The following MAP3K15 variants were observed in gnomAD, a reference collection of about 807,000 sequenced individuals.
The protein encoded by MAP3K15 is MAPK/ERK kinase kinase 15.
MAP3K15 carries 124 observed loss-of-function variants against 99.5 expected under a neutral mutation model. The observed-to-expected ratio is 1.25, with a 90% CI of 1.08 to 1.45. The LOEUF (loss-of-function observed/expected upper bound fraction) is 1.45, where lower values mean the gene tolerates loss of function less well. MAP3K15 is among the 40% of genes most tolerant of loss of function. The probability of loss-of-function intolerance (pLI) is 0.00; values close to 1 mark genes in which losing one functional copy is unlikely to be tolerated. For missense variants in MAP3K15, 1,242 were observed against 1,079.7 expected, an observed-to-expected ratio of 1.15 and a Z score of -2.11; for synonymous variants, 494 against 439.6, an observed-to-expected ratio of 1.12 and a Z score of -1.55.
intron 25 of MAP3K15, among the ~76,000 whole-genome samples, chrX:19,368,767 A>G (rs1371236506): frequency 9.1e-6 from 1 of 109,798 alleles, no homozygotes; most frequent in African/African-American, 3.3e-5. Context: ...GAATTCACAG[A>G]TGCTGCTGCC....
intron 1 of MAP3K15, among the ~76,000 whole-genome samples, chrX:19,489,412 G>A (rs756016264): frequency 9.9e-5 from 11 of 110,834 alleles, no homozygotes; most frequent in African/African-American, 3.0e-4. Flanking sequence ...ATTTCTGTCC[G>A]GATCTATGTA....
At chrX:19,459,316 T>C (rs928995026) in intron 5 of MAP3K15, among the ~76,000 whole-genome samples, 17 of 111,823 alleles carry the variant, frequency 1.5e-4, no homozygotes, top group Non-Finnish European at 7.5e-5. Context: ...ATATCCCACA[T>C]AGGGTTGTTA....
At chrX:19,486,150 C>T (rs887445429) in intron 3 of MAP3K15, among the ~76,000 whole-genome samples, 1 of 110,999 alleles carries the variant, frequency 9.0e-6, no homozygotes, top group African/African-American at 3.3e-5. Context: ...TTGACTCCAG[C>T]AAAACGATTA....
At chrX:19,373,801 G>A (rs1018280798) in intron 20 of MAP3K15, 106 bp from the exon 21 acceptor site, 16 of 881,700 alleles carry the variant, frequency 1.8e-5, no homozygotes, top group Non-Finnish European at 2.5e-5. Flanking sequence ...CAGGCACCCA[G>A]GATCCTGTAG....
intron 18 of MAP3K15, among the ~76,000 whole-genome samples, chrX:19,381,014 A>T (rs763851854): frequency 4.0e-4 from 45 of 112,250 alleles, no homozygotes; most frequent in Non-Finnish European, 9.4e-5. Flanking sequence ...AGTGGAGGAG[A>T]CAAAGACAGA....
At position 19,380,281 on chromosome X, in the gene MAP3K15, T is replaced by A; in HGVS notation, c.2432-4A>T. The A allele has an allele frequency of 8.3e-7, 1 of 1,208,469 alleles. No homozygotes were observed. Among genetic ancestry groups the A allele is most frequent in the Non-Finnish European group, 1.1e-6 (1 of 894,389 alleles). On this transcript the variant is annotated splice_polypyrimidine_tract_variant and splice_region_variant and intron_variant, in intron 18 of 28. Transcript: ENST00000338883. ...GGTGCCATGTACTGCAGGGTGCCTA[T>A]TTGGAAAACAAACAAACAGGCTGTG... is the stretch of plus-strand genomic sequence containing the variant.
intron 18 of MAP3K15, among the ~76,000 whole-genome samples, chrX:19,387,283 C>A (rs1602262121): frequency 8.9e-6 from 1 of 112,109 alleles, no homozygotes; most frequent in Non-Finnish European, 1.9e-5. Flanking sequence ...GATACTGCCA[C>A]ACCCTCTCAA....
chrX:19,478,964 T>C (rs2064271196), intron 3 of MAP3K15, among the ~76,000 whole-genome samples: 1 of 111,272 alleles, frequency 9.0e-6, no homozygotes, highest in Admixed American at 9.5e-5. Flanking sequence ...CTTGTCTCCA[T>C]GGTGCCTCTC....
At chrX:19,429,143 G>T (rs984668062) in intron 7 of MAP3K15, among the ~76,000 whole-genome samples, 6 of 110,992 alleles carry the variant, frequency 5.4e-5, no homozygotes, top group African/African-American at 2.0e-4. Flanking sequence ...TGGAGAAAGT[G>T]TTCAGGACAC....
intron 18 of MAP3K15, among the ~76,000 whole-genome samples, chrX:19,384,749 G>GA (rs34619145): frequency 0.08 from 1,796 of 22,345 alleles, 92 homozygotes; most frequent in Non-Finnish European, 0.1. Context: ...TGTCTCAGGG[G>GA]AAAAAAAAAA....
intron 7 of MAP3K15, among the ~76,000 whole-genome samples, chrX:19,426,779 C>G (rs1007285307): frequency 2.7e-4 from 24 of 90,489 alleles, no homozygotes; most frequent in African/African-American, 1.0e-3. Flanking sequence ...GATCGTGCCA[C>G]TGCACTCCAG....
chrX:19,383,874 T>C (rs1427811351), intron 18 of MAP3K15, among the ~76,000 whole-genome samples: 1 of 111,768 alleles, frequency 8.9e-6, no homozygotes, highest in East Asian at 2.8e-4. Context: ...GGAACCCTCA[T>C]ACACTGTTGG....
At chrX:19,414,533 T>C (rs2063717201) in intron 10 of MAP3K15, among the ~76,000 whole-genome samples, 1 of 112,377 alleles carries the variant, frequency 8.9e-6, no homozygotes, top group South Asian at 3.6e-4. Flanking sequence ...TCTAAGACGG[T>C]CATAACATTA....
intron 6 of MAP3K15, among the ~76,000 whole-genome samples, chrX:19,453,155 C>T (rs183845355): frequency 9.0e-6 from 1 of 111,415 alleles, no homozygotes; most frequent in African/African-American, 3.3e-5. Context: ...GAACTATATG[C>T]TTAAAAGTGG....
chrX:19,459,466 C>T (rs765064932), intron 5 of MAP3K15, among the ~76,000 whole-genome samples: 2 of 112,381 alleles, frequency 1.8e-5, no homozygotes, highest in East Asian at 5.6e-4. Flanking sequence ...GTCACACCAG[C>T]CCCGATGTGA....
rs777426342 is a variant in MAP3K15, at chrX:19,475,994, A to G, written c.525+10488T>C. ...CCTCATTACACCAGCACTTATTTTT[A>G]TTTATGGCTCACAGCAGGTGGCAAA... On this transcript the variant is annotated intron_variant, in intron 3 of 28. Coordinates refer to ENST00000338883, the MANE Select transcript of MAP3K15 (RefSeq NM_001001671.4). Among the ~76,000 whole-genome samples, 17 of 112,130 alleles carry G rather than the reference A, an allele frequency of 1.5e-4. No individual in the cohort carries two copies. In the South Asian group the frequency reaches 5.2e-3, roughly 34 times the overall value.
intron 18 of MAP3K15, among the ~76,000 whole-genome samples, chrX:19,384,754 A>G (rs1353173760): frequency 1.2e-5 from 1 of 80,131 alleles, no homozygotes; most frequent in African/African-American, 8.0e-5. Flanking sequence ...CAGGGGAAAA[A>G]AAAAAAAAAA....
intron 3 of MAP3K15, among the ~76,000 whole-genome samples, chrX:19,486,068 C>T (rs897644934): frequency 9.9e-5 from 11 of 111,429 alleles, no homozygotes; most frequent in Non-Finnish European, 1.7e-4. Context: ...AACTTTTGCC[C>T]CATATTAACT....
intron 9 of MAP3K15, among the ~76,000 whole-genome samples, 183 bp from the exon 10 acceptor site, chrX:19,415,440 G>T (rs2063726599): frequency 8.9e-6 from 1 of 112,263 alleles, no homozygotes. Flanking sequence ...AGTAGGCAAA[G>T]TAAGTCCATC....
Sources: gnomAD v4.1 joint callset for allele counts (sites outside exome capture counted in the v4.1 genomes callset) on GRCh38, gnomAD v4.1.1 for gene constraint, MANE v1.5 for transcripts, NCBI Gene and HGNC (gene_info 2026-07-23, HGNC 2026-07-21) for gene names.